The following EIF2AK2 variants were observed in gnomAD, a reference collection of about 807,000 sequenced individuals.
The protein encoded by EIF2AK2 is interferon-induced, double-stranded RNA-activated protein kinase.
In EIF2AK2, 40 loss-of-function variants were observed where a neutral mutation model predicts 70.5. That is an observed-to-expected ratio of 0.57 (90% CI 0.44 to 0.74). EIF2AK2 has a LOEUF of 0.74. Ranked by LOEUF, EIF2AK2 falls within the 30% of genes least tolerant of loss-of-function variation. The probability of loss-of-function intolerance (pLI) is 0.00; values close to 1 mark genes in which losing one functional copy is unlikely to be tolerated. For missense variants in EIF2AK2, 555 were observed against 644.3 expected, an observed-to-expected ratio of 0.86 and a Z score of 1.50; for synonymous variants, 198 against 220.9, an observed-to-expected ratio of 0.90 and a Z score of 0.92.
chr2:37,118,280 C>T (rs564389918), intron 13 of EIF2AK2, among the ~76,000 whole-genome samples: 35 of 152,210 alleles, frequency 2.3e-4, no homozygotes, highest in Admixed American at 1.8e-3. Flanking sequence ...TGCCACTGCA[C>T]TCCAGCCTGG....
intron 14 of EIF2AK2, chr2:37,109,577 A>G (rs4233920): frequency 0.93 from 283,556 of 306,090 alleles, 131,987 homozygotes; most frequent in East Asian, 1. Flanking sequence ...GAGATGCAGC[A>G]GGTAAAGCAG....
chr2:37,107,703 C>T (rs1182221289), intron 15 of EIF2AK2, among the ~76,000 whole-genome samples, 176 bp from the exon 16 acceptor site: 7 of 152,122 alleles, frequency 4.6e-5, no homozygotes, highest in Non-Finnish European at 7.4e-5. Context: ...ATCTAATAAC[C>T]ATCCTTGCAT....
At position 37,122,498 on chromosome 2, in the gene EIF2AK2, T is replaced by G; in HGVS notation, c.1067+8A>C. 6.8e-6 allele frequency: 11 copies of G among 1,611,860 alleles called. No homozygotes were observed. The highest frequency in any genetic ancestry group is 9.3e-6 in the Non-Finnish European group (11 of 1,179,488). On this transcript the variant is annotated splice_region_variant and intron_variant, in intron 12 of 16. Coordinates refer to ENST00000233057, the MANE Select transcript of EIF2AK2 (RefSeq NM_001135651.3). ...CTATTATGGCTATGAGAATTTATTTTTAGTTACCTTGAACTATTTTTGCTG... is the reference window on the plus strand; with the variant it reads ...CTATTATGGCTATGAGAATTTATTTGTAGTTACCTTGAACTATTTTTGCTG...
At chr2:37,109,332 C>T (rs1258944235) in intron 14 of EIF2AK2, 37 bp from the exon 15 acceptor site, 1 of 1,572,668 alleles carries the variant, frequency 6.4e-7, no homozygotes, top group Non-Finnish European at 8.7e-7. Context: ...TTGTTATGCT[C>T]CTTACATAAA....
At chr2:37,143,277 G>C (rs1305246058) in intron 4 of EIF2AK2, among the ~76,000 whole-genome samples, 1 of 149,220 alleles carries the variant, frequency 6.7e-6, no homozygotes, top group Non-Finnish European at 1.5e-5. Context: ...AAATTTTCCT[G>C]TATCTATTAA....
Position 37,102,500 on chromosome 2 carries a change from G to C in EIF2AK2, c.*4773C>G, listed in dbSNP as rs978071333. On this transcript the variant is annotated 3_prime_UTR_variant, in exon 17 of 17. Coordinates refer to ENST00000233057, the MANE Select transcript of EIF2AK2 (RefSeq NM_001135651.3). The stretch of plus-strand genomic sequence containing the variant: ...ACTCAGTGGGGACTGCATATTGTGA[G>C]TTATGTCTCTAGTTAGTTAACAGAT... 6.6e-6 allele frequency: 1 copy of C among 152,020 alleles called. No individual in the cohort carries two copies. The highest frequency in any genetic ancestry group is 1.9e-4 in the East Asian group (1 of 5,204). The allele number at this position is 152,020 out of a possible 1,614,324, so 9.4% of individuals were successfully genotyped here. A position where few individuals can be genotyped will look rare whatever the true frequency, so the allele number is the denominator to read the frequency against.
rs746926144 is a variant in EIF2AK2, at chr2:37,119,968, T to C, written c.1239A>G (p.Arg413=). 1.4e-6 allele frequency: 2 copies of C among 1,442,436 alleles called. No homozygotes were observed. The highest frequency in any genetic ancestry group is 1.8e-6 in the Non-Finnish European group (2 of 1,085,320). 89.4% of individuals were successfully genotyped at this position (1,442,436 alleles called of 1,614,324 possible). ...DYIHSKKLIH[R]DLKPSNIFLV... ...TACATTTTCCACTTACCTTAAGATC[T>C]CTATGAATTAATTTTTTTGAATGTA... is the stretch of plus-strand genomic sequence containing the variant. Residue 413 remains arginine (R), a synonymous_variant, in exon 13 of 17, where the codon AGA becomes AGG. Coordinates refer to ENST00000233057, the MANE Select transcript of EIF2AK2 (RefSeq NM_001135651.3).
chr2:37,119,409 T>C (rs1282943544), intron 13 of EIF2AK2, among the ~76,000 whole-genome samples: 1 of 151,998 alleles, frequency 6.6e-6, no homozygotes, highest in East Asian at 1.9e-4. Context: ...CCTCTGCCTC[T>C]CAAATAAAGC....
At chr2:37,146,500 C>T (rs1157077259) in intron 4 of EIF2AK2, among the ~76,000 whole-genome samples, 1 of 152,222 alleles carries the variant, frequency 6.6e-6, no homozygotes, top group Admixed American at 6.5e-5. Flanking sequence ...ACTTTCATCT[C>T]TTTTTCCTTT....
rs1208961791 is a variant in EIF2AK2, at chr2:37,105,632, A to T, written c.*1641T>A. ...CAGCTTCAAGTATCCATTTAAACCA[A>T]TAAGAAACAAACTAAAACAATTGCC... is the stretch of plus-strand genomic sequence containing the variant. On this transcript the variant is annotated 3_prime_UTR_variant, in exon 17 of 17. Transcript: ENST00000233057. 3 of 152,206 alleles carry T rather than the reference A, an allele frequency of 2.0e-5. No homozygotes were observed. The highest frequency in any genetic ancestry group is 7.2e-5 in the African/African-American group (3 of 41,444). The allele number at this position is 152,206 out of a possible 1,614,324, so 9.4% of individuals were successfully genotyped here. A position where few individuals can be genotyped will look rare whatever the true frequency, so the allele number is the denominator to read the frequency against.
chr2:37,144,069 T>C (rs1395056356), intron 4 of EIF2AK2, among the ~76,000 whole-genome samples: 1 of 152,198 alleles, frequency 6.6e-6, no homozygotes, highest in African/African-American at 2.4e-5. Flanking sequence ...AAAAAATTAC[T>C]GTCATCTAAT....
At chr2:37,142,669 G>T (rs950257279) in intron 4 of EIF2AK2, among the ~76,000 whole-genome samples, 2 of 151,760 alleles carry the variant, frequency 1.3e-5, no homozygotes, top group Non-Finnish European at 2.9e-5. Flanking sequence ...GGTTAGAAGG[G>T]TATCTTTAAG....
At chr2:37,150,980 G>C (rs114209235) in intron 1 of EIF2AK2, among the ~76,000 whole-genome samples, 4,858 of 152,170 alleles carry the variant, frequency 0.032, 118 homozygotes, top group South Asian at 0.064. Flanking sequence ...ATGTACAAGC[G>C]AAAACTATAA....
chr2:37,119,239 C>T (rs1303435386), intron 13 of EIF2AK2, among the ~76,000 whole-genome samples: 1 of 152,180 alleles, frequency 6.6e-6, no homozygotes, highest in Non-Finnish European at 1.5e-5. Context: ...AGGGATGATA[C>T]ACTTTCCCAG....
In EIF2AK2 at chr2:37,106,052, AG is replaced by A. The variant is rs749291672; in HGVS notation, c.*1220del. The A allele has an allele frequency of 1.3e-5, 2 of 152,256 alleles. No individual in the cohort carries two copies. Among genetic ancestry groups the A allele is most frequent in the African/African-American group, 2.4e-5 (1 of 41,466 alleles). The allele number at this position is 152,256 out of a possible 1,614,324, so 9.4% of individuals were successfully genotyped here. A position where few individuals can be genotyped will look rare whatever the true frequency, so the allele number is the denominator to read the frequency against. On this transcript the variant is annotated 3_prime_UTR_variant, in exon 17 of 17. Transcript: ENST00000233057. ...ACTAGTGGACCTACCATCCAGCTTA[AG>A]GAAGTTACCATTACCTTTGAAAGTC... is the stretch of plus-strand genomic sequence containing the variant.
At chr2:37,139,314 CAAA>C (rs111711091) in intron 6 of EIF2AK2, among the ~76,000 whole-genome samples, 4,154 of 67,302 alleles carry the variant, frequency 0.062, 85 homozygotes, top group Middle Eastern at 0.14. Flanking sequence ...GATTCCATCT[CAAA>C]AAAAAAAAAA....
At position 37,107,370 on chromosome 2, in the gene EIF2AK2, G is replaced by A; in HGVS notation, c.1559C>T (p.Ser520Leu). 6.2e-7 allele frequency: 1 copy of A among 1,613,844 alleles called. No individual in the cohort carries two copies. The highest frequency in any genetic ancestry group is 8.5e-7 in the Non-Finnish European group (1 of 1,179,944). ...KEKTLLQKLL[S>L]KKPEDRPNTS... Reference sequence around the variant, plus strand: ...GTTAGGTCGATCCTCAGGTTTCTTTGAGAGTAATTTCTGTAGAAGAGTTTT... The same window carrying A: ...GTTAGGTCGATCCTCAGGTTTCTTTAAGAGTAATTTCTGTAGAAGAGTTTT... The change falls in exon 17 of 17, where the codon TCA becomes TTA. Residue 520 changes from serine to leucine, a missense_variant. Physicochemically the swap from Ser to Leu is moderately radical, Grantham distance 145. Coordinates refer to ENST00000233057, the MANE Select transcript of EIF2AK2 (RefSeq NM_001135651.3).
At chr2:37,109,611 C>G (rs1376652516) in intron 14 of EIF2AK2, 4 of 241,988 alleles carry the variant, frequency 1.7e-5, no homozygotes, top group African/African-American at 4.5e-5. Flanking sequence ...CAGTAGGCGG[C>G]TTGCATTGCA....
chr2:37,138,387 T>C, intron 7 of EIF2AK2, 24 bp from the exon 8 acceptor site: 1 of 1,606,382 alleles, frequency 6.2e-7, no homozygotes, highest in Non-Finnish European at 8.5e-7. Context: ...GTGTAACTAT[T>C]AGTTTATTAA....
Sources: allele counts gnomAD v4.1 joint callset (sites outside exome capture counted in the v4.1 genomes callset), GRCh38; gene constraint gnomAD v4.1.1; transcripts MANE v1.5; gene names NCBI Gene and HGNC (gene_info 2026-07-23, HGNC 2026-07-21).